The following CLEC4F variants were observed in gnomAD, a reference collection of about 807,000 sequenced individuals.
CLEC4F encodes the protein C-type lectin domain family 4 member F.
In CLEC4F, 45 loss-of-function variants were observed where a neutral mutation model predicts 53.4. That is an observed-to-expected ratio of 0.84 (90% confidence interval 0.66 to 1.08). The LOEUF (loss-of-function observed/expected upper bound fraction) is 1.08, where lower values mean the gene tolerates loss of function less well. Among genes scored for constraint, CLEC4F ranks in the 50% least tolerant of loss-of-function variants. CLEC4F has a pLI of 0.00. For missense variants in CLEC4F, 753 were observed against 698.2 expected (o/e 1.08, Z -0.88); for synonymous variants, 245 against 257.5 (o/e 0.95, Z 0.46).
chr2:70,812,874 C>G (rs1163746451), intron 4 of CLEC4F, among the ~76,000 whole-genome samples: 3 of 152,232 alleles, frequency 2.0e-5, no homozygotes, highest in Non-Finnish European at 4.4e-5. Context: ...ATCCTGCCCT[C>G]TCTCCCAACT....
At chr2:70,814,096 C>T (rs1300129545) in intron 4 of CLEC4F, among the ~76,000 whole-genome samples, 2 of 152,214 alleles carry the variant, frequency 1.3e-5, no homozygotes, top group Admixed American at 1.3e-4. Context: ...CAGCCGGGCA[C>T]AGCCTGATCT....
At chr2:70,819,519 G>A (rs1677112910) in intron 2 of CLEC4F, 75 bp from the exon 3 acceptor site, 1 of 1,391,044 alleles carries the variant, frequency 7.2e-7, no homozygotes, top group African/African-American at 1.4e-5. Context: ...CCACACAGAG[G>A]TAGAGTTCCA....
chr2:70,812,198 G>T (rs1208378868), intron 5 of CLEC4F, among the ~76,000 whole-genome samples: 1 of 152,170 alleles, frequency 6.6e-6, no homozygotes, highest in Non-Finnish European at 1.5e-5. Flanking sequence ...CCTCCCCTTG[G>T]CCTTCCTCCC....
chr2:70,825,153 G>A (rs1677316277), upstream of CLEC4F, among the ~76,000 whole-genome samples: 3 of 152,116 alleles, frequency 2.0e-5, no homozygotes, highest in South Asian at 6.2e-4. Flanking sequence ...ATGTAATCAT[G>A]AGAAAAACAC....
At chr2:70,815,907 C>T in intron 4 of CLEC4F, 87 bp downstream of exon 4, 2 of 1,369,910 alleles carry the variant, frequency 1.5e-6, no homozygotes, top group South Asian at 1.4e-5. Context: ...ATGCATGTTG[C>T]AGTAAAAAAG....
Position 70,808,877 on chromosome 2 carries a change from G to A in CLEC4F, c.*394C>T. On this transcript the variant is annotated 3_prime_UTR_variant, in exon 7 of 7. Coordinates refer to ENST00000272367, the MANE Select transcript of CLEC4F (RefSeq NM_173535.3). ...GCTCAGAGGCTCCGAAGGCATCGAGGAGGAGGGTCAGTATTGGCAAGCAGG... is the reference window on the plus strand; with the variant it reads ...GCTCAGAGGCTCCGAAGGCATCGAGAAGGAGGGTCAGTATTGGCAAGCAGG... 3.4e-6 allele frequency: 2 copies of A among 593,154 alleles called. No homozygotes were observed. Among genetic ancestry groups the A allele is most frequent in the East Asian group, 2.8e-5 (1 of 35,496 alleles). 36.7% of individuals were successfully genotyped at this position (593,154 alleles called of 1,614,324 possible). A position where few individuals can be genotyped will look rare whatever the true frequency, so the allele number is the denominator to read the frequency against.
At chr2:70,824,132 T>C (rs1425806404), upstream of CLEC4F, among the ~76,000 whole-genome samples, 2 of 152,098 alleles carry the variant, frequency 1.3e-5, no homozygotes, top group Non-Finnish European at 2.9e-5. Context: ...GATTCTTCTT[T>C]ATGTTTTTTA....
chr2:70,809,696 A>G (rs782548920), intron 6 of CLEC4F, 43 bp downstream of exon 6: 16 of 1,474,684 alleles, frequency 1.1e-5, no homozygotes, highest in Middle Eastern at 1.9e-4. Context: ...TAGGTCCACC[A>G]AAGACAGTGC....
upstream of CLEC4F, among the ~76,000 whole-genome samples, chr2:70,822,965 A>G (rs986173671): frequency 2.0e-5 from 3 of 152,236 alleles, no homozygotes; most frequent in Admixed American, 6.5e-5. Context: ...GCCTCCTCTG[A>G]GGCCGGGCCA....
intron 5 of CLEC4F, chr2:70,810,710 G>A: frequency 3.2e-6 from 1 of 311,378 alleles, no homozygotes; most frequent in South Asian, 4.1e-5. Flanking sequence ...CTATAATATG[G>A]ATACACGATT....
Position 70,813,674 on chromosome 2 carries a change from T to C in CLEC4F, c.1388-1076A>G, listed in dbSNP as rs190768628. Among the ~76,000 whole-genome samples, 25 of 150,756 alleles carry C rather than the reference T, an allele frequency of 1.7e-4. 1 individual carries two copies. Among genetic ancestry groups the C allele is most frequent in the African/African-American group, 6.1e-4 (25 of 41,032 alleles). ...CTCTCTTTTTCTTCCTTCCTTTCTTTCTTCCTTTCTTTCTTTTTTTGAGAC... is the reference window on the plus strand; with the variant it reads ...CTCTCTTTTTCTTCCTTCCTTTCTTCCTTCCTTTCTTTCTTTTTTTGAGAC... On this transcript the variant is annotated intron_variant, in intron 4 of 6. Transcript: ENST00000272367.
At chr2:70,820,019 C>T in intron 1 of CLEC4F, 128 bp from the exon 2 acceptor site, 1 of 592,258 alleles carries the variant, frequency 1.7e-6, no homozygotes, top group Non-Finnish European at 2.9e-6. Context: ...TAACTCCTGC[C>T]ATGCTTATCA....
rs1676379495 is a variant in CLEC4F at position 70,808,910 on chromosome 2, C to T, written c.*361G>A. On this transcript the variant is annotated 3_prime_UTR_variant, in exon 7 of 7. Transcript: ENST00000272367. ...TCAGTATTGGCAAGCAGGAGCAGCC[C>T]CTCAGCTCTGGCCTGCCCTCAGGCC... is the stretch of plus-strand genomic sequence containing the variant. 3.1e-6 allele frequency: 2 copies of T among 642,430 alleles called. No individual in the cohort carries two copies. The highest frequency in any genetic ancestry group is 2.7e-5 in the East Asian group (1 of 36,368). The allele number at this position is 642,430 out of a possible 1,614,324, so 39.8% of individuals were successfully genotyped here.
chr2:70,809,095 C>A lies in CLEC4F; in HGVS notation c.*176G>T. On this transcript the variant is annotated 3_prime_UTR_variant, in exon 7 of 7. Coordinates refer to ENST00000272367, the MANE Select transcript of CLEC4F (RefSeq NM_173535.3). ...TTCCCAAAACCCGAAGACAACAGGG[C>A]TTTATACTGTTAGATGAAGGCAGCA... is the stretch of plus-strand genomic sequence containing the variant. 1 of 1,549,254 alleles carries A rather than the reference C, an allele frequency of 6.5e-7. No individual in the cohort carries two copies. The highest frequency in any genetic ancestry group is 8.7e-7 in the Non-Finnish European group (1 of 1,146,974).
chr2:70,810,840 T>C (rs1187518774), intron 5 of CLEC4F: 6 of 550,626 alleles, frequency 1.1e-5, no homozygotes, highest in Admixed American at 6.4e-5. Flanking sequence ...GTACTCCCTC[T>C]TCTAAAATTG....
intron 1 of CLEC4F, 48 bp downstream of exon 1, chr2:70,820,415 G>A (rs782783237): frequency 2.6e-6 from 4 of 1,517,472 alleles, no homozygotes; most frequent in South Asian, 2.4e-5. Flanking sequence ...CAAAGGACAG[G>A]CAGGCTACTC....
At position 70,813,597 on chromosome 2, in the gene CLEC4F, C is replaced by CTTTCTTTCTT. The variant is rs1553394931; in HGVS notation, c.1388-1000_1388-999insAAGAAAGAAA. ...TCTTTTTCTTTCTCTCTCTTTCTTT[C>CTTTCTTTCTT]TCTTTCTTTCTTTCTTTCTTTCTTT... On this transcript the variant is annotated intron_variant, in intron 4 of 6. Coordinates refer to ENST00000272367, the MANE Select transcript of CLEC4F (RefSeq NM_173535.3). Among the ~76,000 whole-genome samples the CTTTCTTTCTT allele has an allele frequency of 2.1e-3, 227 of 106,270 alleles. 3 individuals are homozygous for CTTTCTTTCTT. Among genetic ancestry groups the CTTTCTTTCTT allele is most frequent in the Non-Finnish European group, 3.3e-3 (176 of 53,642 alleles). The allele number at this position is 106,270 out of a possible 152,430, so 69.7% of individuals were successfully genotyped here.
At chr2:70,824,024 C>CAAAAAAA (rs1179902981), upstream of CLEC4F, among the ~76,000 whole-genome samples, 5 of 60,666 alleles carry the variant, frequency 8.2e-5, no homozygotes, top group Admixed American at 1.8e-4. Flanking sequence ...AGCAAGACTC[C>CAAAAAAA]AAAAAAAAAA....
chr2:70,809,717 G>A (rs782789953), intron 6 of CLEC4F, 22 bp downstream of exon 6: 13 of 1,573,726 alleles, frequency 8.3e-6, no homozygotes, highest in African/African-American at 6.7e-5. Context: ...CTGGGACAGC[G>A]CCAGATGGTG....
Sources: allele counts gnomAD v4.1 joint callset (sites outside exome capture counted in the v4.1 genomes callset), GRCh38; gene constraint gnomAD v4.1.1; transcripts MANE v1.5; gene names NCBI Gene and HGNC (gene_info 2026-07-23, HGNC 2026-07-21).